CDH11: variants seen among roughly 807,000 people sequenced by gnomAD.
CDH11 encodes cadherin 11.
In CDH11, 11 loss-of-function variants were observed where a neutral mutation model predicts 67.8. The ratio of observed to expected loss-of-function variants is 0.16; its 90% CI spans 0.10 to 0.27. The LOEUF (loss-of-function observed/expected upper bound fraction) is 0.27, where lower values mean the gene tolerates loss of function less well. Among genes scored for constraint, CDH11 ranks in the 10% least tolerant of loss-of-function variants. The pLI, the probability that CDH11 is intolerant of heterozygous loss-of-function variation, is 1.00. For synonymous variants in CDH11, 419 were observed against 400.0 expected, an observed-to-expected ratio of 1.05 and a Z score of -0.57; for missense variants, 847 against 1,031.2, an observed-to-expected ratio of 0.82 and a Z score of 2.45.
chr16:65,063,248 T>C (rs534603356), intron 1 of CDH11, among the ~76,000 whole-genome samples: 9 of 152,104 alleles, frequency 5.9e-5, no homozygotes, highest in Admixed American at 5.2e-4. Flanking sequence ...AAAACACATA[T>C]TCTCAAGGAT....
chr16:64,996,421 C>T (rs1047695246), intron 4 of CDH11, among the ~76,000 whole-genome samples: 4 of 148,588 alleles, frequency 2.7e-5, no homozygotes, highest in Admixed American at 2.1e-4. Context: ...ACCCAGGAGG[C>T]AGAGATTGCA....
chr16:65,104,457 T>C (rs1238055017), intron 1 of CDH11, among the ~76,000 whole-genome samples: 1 of 152,176 alleles, frequency 6.6e-6, no homozygotes, highest in African/African-American at 2.4e-5. Flanking sequence ...TACAAGGTGA[T>C]AGCTAGCATT....
chr16:64,988,102 G>A (rs1415736975), intron 7 of CDH11, 55 bp downstream of exon 7: 10 of 1,390,354 alleles, frequency 7.2e-6, no homozygotes, highest in Non-Finnish European at 9.8e-6. Context: ...TTGCAGTGTT[G>A]CCTTGGCAGA....
At chr16:65,058,110 C>T (rs1177215046) in intron 1 of CDH11, among the ~76,000 whole-genome samples, 7 of 152,082 alleles carry the variant, frequency 4.6e-5, no homozygotes, top group Admixed American at 4.6e-4. Context: ...GTAGTCCCAG[C>T]TACTGAGAAG....
chr16:65,002,423 G>A (rs1411631814), intron 3 of CDH11, among the ~76,000 whole-genome samples: 2 of 152,060 alleles, frequency 1.3e-5, no homozygotes, highest in Admixed American at 6.6e-5. Flanking sequence ...CAACATTTAA[G>A]CTCCACATCC....
chr16:65,002,930 C>CTTTTTTTT (rs1011429142), intron 3 of CDH11, among the ~76,000 whole-genome samples: 1 of 140,848 alleles, frequency 7.1e-6, no homozygotes, highest in Non-Finnish European at 1.6e-5. Flanking sequence ...TTCTTTTTTT[C>CTTTTTTTT]TTTTTTTTTT....
chr16:64,978,193 G>C (rs1355673853), intron 8 of CDH11, among the ~76,000 whole-genome samples: 1 of 152,186 alleles, frequency 6.6e-6, no homozygotes, highest in East Asian at 1.9e-4. Flanking sequence ...AAAACTGTGA[G>C]CTTGACCTTC....
At chr16:64,969,730 G>A (rs1044762340) in intron 11 of CDH11, among the ~76,000 whole-genome samples, 1 of 152,110 alleles carries the variant, frequency 6.6e-6, no homozygotes, top group Non-Finnish European at 1.5e-5. Flanking sequence ...ACGTATCTTA[G>A]AAAGCATTAT....
chr16:65,048,292 G>C (rs1057192366), intron 2 of CDH11, among the ~76,000 whole-genome samples: 1 of 152,172 alleles, frequency 6.6e-6, no homozygotes, highest in Non-Finnish European at 1.5e-5. Flanking sequence ...TACACTGTTA[G>C]TATGAATTCA....
At chr16:65,070,207 C>A (rs1435846564) in intron 1 of CDH11, among the ~76,000 whole-genome samples, 1 of 152,148 alleles carries the variant, frequency 6.6e-6, no homozygotes, top group African/African-American at 2.4e-5. Context: ...TATGGGGCAA[C>A]AAATTCATTT....
chr16:64,986,512 A>G (rs1241984854), intron 7 of CDH11: 2 of 152,134 alleles, frequency 1.3e-5, no homozygotes, highest in East Asian at 3.9e-4. Flanking sequence ...TTACATGAAC[A>G]GCAAAGGATG....
chr16:64,952,239 T>C (rs1330481642), intron 11 of CDH11, among the ~76,000 whole-genome samples: 1 of 152,216 alleles, frequency 6.6e-6, no homozygotes, highest in East Asian at 1.9e-4. Context: ...CCATCATCTC[T>C]TGTGTGACCC....
At chr16:64,949,542 T>C (rs369505949) in intron 12 of CDH11, among the ~76,000 whole-genome samples, 89 of 150,814 alleles carry the variant, frequency 5.9e-4, no homozygotes, top group African/African-American at 2.0e-3. Context: ...TTCTCCTGCC[T>C]CAGCCTCCCA....
intron 2 of CDH11, among the ~76,000 whole-genome samples, chr16:65,029,838 C>A (rs1017687224): frequency 3.9e-5 from 6 of 152,140 alleles, no homozygotes; most frequent in Non-Finnish European, 7.4e-5. Flanking sequence ...GAGAACCTGG[C>A]CTCAATGGGA....
chr16:65,000,010 A>T (rs1457518069), intron 3 of CDH11, among the ~76,000 whole-genome samples: 1 of 152,204 alleles, frequency 6.6e-6, no homozygotes, highest in Admixed American at 6.5e-5. Flanking sequence ...AGAAGTGTCC[A>T]TTCTAATGCT....
At chr16:65,123,428 A>G (rs2075368997), upstream of CDH11, among the ~76,000 whole-genome samples, 2 of 152,018 alleles carry the variant, frequency 1.3e-5, no homozygotes, top group Admixed American at 6.5e-5. Flanking sequence ...TGAAAGGGCT[A>G]GAGGGGAGGA....
At chr16:65,104,000 C>T (rs375247200) in intron 1 of CDH11, among the ~76,000 whole-genome samples, 4 of 152,148 alleles carry the variant, frequency 2.6e-5, no homozygotes, top group African/African-American at 7.2e-5. Context: ...ATGTGAATGA[C>T]GTTTGTGGTT....
At chr16:65,120,798 G>A (rs1054218412) in intron 1 of CDH11, among the ~76,000 whole-genome samples, 3 of 152,212 alleles carry the variant, frequency 2.0e-5, no homozygotes, top group South Asian at 4.1e-4. Context: ...GCAGGGCCTC[G>A]GCAAAAAAAC....
intron 1 of CDH11, among the ~76,000 whole-genome samples, chr16:65,062,465 A>T (rs538595955): frequency 5.9e-5 from 9 of 152,354 alleles, no homozygotes; most frequent in African/African-American, 1.9e-4. Context: ...AGTAAACTGC[A>T]TAGTCCATAG....
Sources: gnomAD v4.1 joint callset for allele counts (sites outside exome capture counted in the v4.1 genomes callset) on GRCh38, gnomAD v4.1.1 for gene constraint, MANE v1.5 for transcripts, NCBI Gene and HGNC (gene_info 2026-07-23, HGNC 2026-07-21) for gene names.